Variants in CCDC85C observed in about 807,000 individuals in gnomAD.
The protein encoded by CCDC85C is coiled-coil domain-containing protein 85C.
CCDC85C carries 18 observed loss-of-function variants against 38.3 expected under a neutral mutation model. That is an observed-to-expected ratio of 0.47 (90% confidence interval 0.33 to 0.70). The LOEUF is 0.70. Among genes scored for constraint, CCDC85C ranks in the 30% least tolerant of loss-of-function variants. CCDC85C has a pLI of 0.03. For missense variants in CCDC85C, 566 were observed against 621.2 expected, an observed-to-expected ratio of 0.91 and a Z score of 0.94; for synonymous variants, 264 against 293.8, an observed-to-expected ratio of 0.90 and a Z score of 1.04.
In CCDC85C at chr14:99,517,148, G is replaced by T. The variant is rs988295268; in HGVS notation, c.1011C>A (p.Pro337=). Residue 337 remains proline, a synonymous_variant, in exon 4 of 6, where the codon CCC becomes CCA. Transcript: ENST00000380243. ...CTGCAGGGCTGTAGCCAGCAGAGGG[G>T]GGCGAGGGCAGCTCAGGTGCGGGGC... ...PACPAPELPS[P]PSAGYSPAGQ... 5.8e-6 allele frequency: 9 copies of T among 1,549,986 alleles called. No homozygotes were observed. The Admixed American group carries it at 1.8e-4, about 30-fold the overall frequency.
At chr14:99,553,607 C>T (rs1897955964) in intron 1 of CCDC85C, among the ~76,000 whole-genome samples, 1 of 152,208 alleles carries the variant, frequency 6.6e-6, no homozygotes, top group Non-Finnish European at 1.5e-5. Context: ...TCATGATCCG[C>T]CTGCCTCGGC....
intron 2 of CCDC85C, among the ~76,000 whole-genome samples, chr14:99,527,162 C>T (rs981717659): frequency 3.7e-4 from 56 of 152,226 alleles, no homozygotes; most frequent in African/African-American, 1.3e-3. Flanking sequence ...TCCACACGTC[C>T]GTCAGTCATG....
intron 1 of CCDC85C, among the ~76,000 whole-genome samples, chr14:99,564,007 C>T (rs1282687386): frequency 1.3e-5 from 2 of 152,176 alleles, no homozygotes; most frequent in Non-Finnish European, 2.9e-5. Context: ...ATAAGCAGCC[C>T]GTTTTCCTGC....
rs767434647 is a variant in CCDC85C at position 99,503,612 on chromosome 14, T to C, written c.*11634A>G. On this transcript the variant is annotated 3_prime_UTR_variant, in exon 6 of 6. Transcript: ENST00000380243. ...ATTGTGTATTTTCTTTTGTAACAGGTTGTTTCTCCCAAAGAAGAGAACAAA... is the reference window on the plus strand; with the variant it reads ...ATTGTGTATTTTCTTTTGTAACAGGCTGTTTCTCCCAAAGAAGAGAACAAA... 1 of 1,559,198 alleles carries C rather than the reference T, an allele frequency of 6.4e-7. No homozygotes were observed. The highest frequency in any genetic ancestry group is 1.2e-5 in the South Asian group (1 of 84,376).
intron 1 of CCDC85C, among the ~76,000 whole-genome samples, chr14:99,590,994 C>A (rs2055079388): frequency 6.6e-6 from 1 of 152,120 alleles, no homozygotes; most frequent in African/African-American, 2.4e-5. Flanking sequence ...CTCATTTAAC[C>A]CCAAGAGGCA....
At position 99,603,252 on chromosome 14, in the gene CCDC85C, G is replaced by T. The variant is rs1460995341; in HGVS notation, c.708C>A (p.Pro236=). The T allele has an allele frequency of 7.9e-6, 11 of 1,395,866 alleles. No individual in the cohort carries two copies. Among genetic ancestry groups the T allele is most frequent in the Non-Finnish European group, 9.2e-6 (10 of 1,081,416 alleles). 86.5% of individuals were successfully genotyped at this position (1,395,866 alleles called of 1,614,324 possible). The change falls in exon 1 of 6, where the codon CCC becomes CCA. Residue 236 remains proline, a synonymous_variant. Coordinates refer to ENST00000380243, the MANE Select transcript of CCDC85C (RefSeq NM_001144995.2). This position sits in a 1 kb window ranked among gnomAD's most constrained non-coding sequence, Gnocchi z 7.5. ...GACGTGTGGCTCCTGCCTTGCCGTCGGGGGCCTTGTGCGGCCCGGGGGGCA... is the reference window on the plus strand; with the variant it reads ...GACGTGTGGCTCCTGCCTTGCCGTCTGGGGCCTTGTGCGGCCCGGGGGGCA... The part of the protein sequence containing the change: ...PLLPPGPHKA[P]DGKAGATRRS...
intron 1 of CCDC85C, among the ~76,000 whole-genome samples, chr14:99,592,991 A>G (rs1374071209): frequency 6.6e-6 from 1 of 152,182 alleles, no homozygotes; most frequent in Non-Finnish European, 1.5e-5. Flanking sequence ...GGGTGGGGGG[A>G]GCGTCCCATT....
intron 1 of CCDC85C, among the ~76,000 whole-genome samples, chr14:99,574,601 G>A (rs753489009): frequency 3.3e-5 from 5 of 152,176 alleles, no homozygotes; most frequent in Non-Finnish European, 5.9e-5. Context: ...GGTGGCCTGC[G>A]AGGAATTTAG....
At chr14:99,570,377 T>A (rs755288748) in intron 1 of CCDC85C, among the ~76,000 whole-genome samples, 2 of 152,214 alleles carry the variant, frequency 1.3e-5, no homozygotes, top group Non-Finnish European at 2.9e-5. Flanking sequence ...GGGGAGGTGC[T>A]GACCTCAGAC....
chr14:99,532,970 C>A (rs763209574), intron 2 of CCDC85C, among the ~76,000 whole-genome samples: 12 of 152,144 alleles, frequency 7.9e-5, no homozygotes, highest in South Asian at 6.2e-4. Flanking sequence ...TTAGTAGAGA[C>A]GAGGTTTTGC....
chr14:99,527,812 G>T (rs1897415206), intron 2 of CCDC85C, among the ~76,000 whole-genome samples: 1 of 152,150 alleles, frequency 6.6e-6, no homozygotes, highest in Admixed American at 6.5e-5. Flanking sequence ...ATGCAGACTT[G>T]CAAGCCTCTT....
At chr14:99,546,422 G>A (rs1490793597) in intron 1 of CCDC85C, among the ~76,000 whole-genome samples, 2 of 152,022 alleles carry the variant, frequency 1.3e-5, no homozygotes, top group African/African-American at 4.8e-5. Flanking sequence ...AGCCAGCACT[G>A]GGAGAGCGGC....
rs535416970 is a variant in CCDC85C at position 99,539,670 on chromosome 14, G to A, written c.794-3582C>T. On this transcript the variant is annotated intron_variant, in intron 1 of 5. Transcript: ENST00000380243. ...GAAAGAACTGGACACAAAATGACAT[G>A]CACAATGGCTGCGACGTTTAAAAAT... is the stretch of plus-strand genomic sequence containing the variant. Among the ~76,000 whole-genome samples the A allele has an allele frequency of 3.5e-4, 53 of 152,240 alleles. No homozygotes were observed. The South Asian group carries it at 3.7e-3, about 11-fold the overall frequency.
At chr14:99,594,451 A>C (rs2055121579) in intron 1 of CCDC85C, among the ~76,000 whole-genome samples, 2 of 152,230 alleles carry the variant, frequency 1.3e-5, no homozygotes, top group Non-Finnish European at 2.9e-5. Flanking sequence ...TCTAGGCCCC[A>C]CAGTGGGACC....
At chr14:99,539,237 G>A (rs1191557772) in intron 1 of CCDC85C, among the ~76,000 whole-genome samples, 8 of 152,164 alleles carry the variant, frequency 5.3e-5, no homozygotes, top group East Asian at 1.9e-4. Context: ...TTGGGAGGCC[G>A]AGGCAGGTGG....
rs548221227 is a variant in CCDC85C at position 99,547,817 on chromosome 14, T to C, written c.794-11729A>G. On this transcript the variant is annotated intron_variant, in intron 1 of 5. Transcript: ENST00000380243. Reference sequence around the variant, plus strand: ...AACCACAGGATTGCATACTTTCATATATATTTATGGGTATATGTGTGTGTG... The same window carrying C: ...AACCACAGGATTGCATACTTTCATACATATTTATGGGTATATGTGTGTGTG... Among the ~76,000 whole-genome samples, 8 of 151,988 alleles carry C rather than the reference T, an allele frequency of 5.3e-5. No homozygotes were observed. The East Asian group carries it at 1.5e-3, about 29-fold the overall frequency.
At chr14:99,562,912 C>T (rs1898146118) in intron 1 of CCDC85C, among the ~76,000 whole-genome samples, 1 of 152,186 alleles carries the variant, frequency 6.6e-6, no homozygotes, top group African/African-American at 2.4e-5. Context: ...CACTCACACA[C>T]TCACTCTGTC....
rs1412203062 is a variant in CCDC85C, at chr14:99,533,998, T to C, written c.867+2017A>G. ...GGCCAAGGGATCAGGGACACTCCTGTCCTTATGGAAACAGGACCATGAGCT... is the reference window on the plus strand; with the variant it reads ...GGCCAAGGGATCAGGGACACTCCTGCCCTTATGGAAACAGGACCATGAGCT... On this transcript the variant is annotated intron_variant, in intron 2 of 5. Transcript: ENST00000380243. The surrounding 1 kb of genome is among the most constrained non-coding windows in gnomAD (Gnocchi z 4.2). Among the ~76,000 whole-genome samples the C allele has an allele frequency of 1.3e-5, 2 of 152,296 alleles. No individual in the cohort carries two copies. The highest frequency in any genetic ancestry group is 4.8e-5 in the African/African-American group (2 of 41,568).
intron 1 of CCDC85C, among the ~76,000 whole-genome samples, chr14:99,546,060 G>T (rs181769252): frequency 4.6e-5 from 7 of 151,882 alleles, no homozygotes; most frequent in East Asian, 1.9e-4. Context: ...GTCTGCATGG[G>T]GGGGGGGAAT....
Sources: allele counts gnomAD v4.1 joint callset (sites outside exome capture counted in the v4.1 genomes callset), GRCh38; gene constraint gnomAD v4.1.1; non-coding constraint Gnocchi (gnomAD v3.1); transcripts MANE v1.5; gene names NCBI Gene and HGNC (gene_info 2026-07-23, HGNC 2026-07-21).